SCAF8: variants seen among roughly 807,000 people sequenced by gnomAD.
The protein encoded by SCAF8 is SR-related and CTD-associated factor 8.
A neutral mutation model predicts 140.5 loss-of-function variants in SCAF8; 23 were observed. The ratio of observed to expected loss-of-function variants is 0.16; its 90% CI spans 0.12 to 0.23. The LOEUF (loss-of-function observed/expected upper bound fraction) is 0.23, where lower values mean the gene tolerates loss of function less well. Ranked by LOEUF, SCAF8 falls within the 10% of genes least tolerant of loss-of-function variation. SCAF8 has a pLI of 1.00. For synonymous variants in SCAF8, 575 were observed against 528.9 expected (o/e 1.09, Z -1.20); for missense variants, 1,397 against 1,555.7 (o/e 0.90, Z 1.72).
intron 13 of SCAF8, among the ~76,000 whole-genome samples, chr6:154,816,919 G>T (rs1020371511): frequency 1.3e-5 from 2 of 152,140 alleles, no homozygotes; most frequent in Non-Finnish European, 2.9e-5. Context: ...TAAGTGATTT[G>T]CTTGAGTTAC....
chr6:154,810,743 G>A (rs570828770), intron 12 of SCAF8, among the ~76,000 whole-genome samples: 1 of 151,954 alleles, frequency 6.6e-6, no homozygotes, highest in East Asian at 1.9e-4. Flanking sequence ...TGTGGGGAGG[G>A]TTCACTTGGT....
intron 1 of SCAF8, among the ~76,000 whole-genome samples, chr6:154,760,909 A>G (rs923624737): frequency 2.0e-5 from 3 of 151,934 alleles, no homozygotes; most frequent in Non-Finnish European, 4.4e-5. Flanking sequence ...TCAGCCTCCC[A>G]GGTAGCTGGG....
At chr6:154,824,906 T>G (rs919574082) in intron 17 of SCAF8, 1 of 151,044 alleles carries the variant, frequency 6.6e-6, no homozygotes, top group Non-Finnish European at 1.5e-5. Flanking sequence ...ATCACACCAC[T>G]GTGCTCCAGC....
intron 2 of SCAF8, among the ~76,000 whole-genome samples, chr6:154,776,717 A>G (rs188054667): frequency 1.1e-3 from 169 of 152,312 alleles, no homozygotes; most frequent in Non-Finnish European, 2.0e-3. Context: ...ATTGTAAGTA[A>G]CTTTAGCCAG....
chr6:154,784,990 G>A (rs1777209684), intron 3 of SCAF8, among the ~76,000 whole-genome samples: 1 of 152,068 alleles, frequency 6.6e-6, no homozygotes, highest in Non-Finnish European at 1.5e-5. Flanking sequence ...CCCTACCCAG[G>A]TAACCAGTTT....
chr6:154,812,292 CTTTTTT>C (rs759236847), intron 12 of SCAF8, among the ~76,000 whole-genome samples: 7 of 38,788 alleles, frequency 1.8e-4, no homozygotes, highest in Non-Finnish European at 2.9e-4. Context: ...TCTATGTCAG[CTTTTTT>C]TTTTTTTTTT....
chr6:154,787,496 A>G (rs1777287572), intron 3 of SCAF8, among the ~76,000 whole-genome samples: 2 of 152,250 alleles, frequency 1.3e-5, no homozygotes, highest in Admixed American at 1.3e-4. Flanking sequence ...AGTCTGAGGC[A>G]TGTTGGCAGT....
rs1008413151 is a variant in SCAF8, at chr6:154,805,997, G to T, written c.981+511G>T. 2.6e-5 allele frequency among the ~76,000 whole-genome samples: 4 copies of T among 152,220 alleles called. No homozygotes were observed. The South Asian group carries it at 8.3e-4, about 32-fold the overall frequency. Reference sequence around the variant, plus strand: ...GCTTGTATACATTTAACCCTCAGGCGATGGGCATTATGACTCCCATTTTAT... The same window carrying T: ...GCTTGTATACATTTAACCCTCAGGCTATGGGCATTATGACTCCCATTTTAT... On this transcript the variant is annotated intron_variant, in intron 9 of 19. Coordinates refer to ENST00000367178, the MANE Select transcript of SCAF8 (RefSeq NM_014892.5).
Position 154,752,872 on chromosome 6 carries a change from C to G in SCAF8, c.30+18942C>G, listed in dbSNP as rs182749092. ...GAGTAGCTGGGATTATAGGCACTTGCCACCATGCCCGGCCAGTATTTTAGA... is the reference window on the plus strand; with the variant it reads ...GAGTAGCTGGGATTATAGGCACTTGGCACCATGCCCGGCCAGTATTTTAGA... On this transcript the variant is annotated intron_variant, in intron 1 of 19. Transcript: ENST00000367178. 4.6e-5 allele frequency among the ~76,000 whole-genome samples: 7 copies of G among 152,256 alleles called. No individual in the cohort carries two copies. In the South Asian group the frequency reaches 1.5e-3, roughly 32 times the overall value.
chr6:154,734,566 A>G (rs143159033), intron 1 of SCAF8, among the ~76,000 whole-genome samples: 2 of 152,316 alleles, frequency 1.3e-5, no homozygotes, highest in Non-Finnish European at 2.9e-5. Context: ...ATAAAGACAA[A>G]TGGTAGGGAG....
chr6:154,790,490 T>C (rs1182499527), intron 4 of SCAF8, among the ~76,000 whole-genome samples: 2 of 3,356 alleles, frequency 6.0e-4, no homozygotes, highest in South Asian at 0.034. Context: ...TTTAACAGAA[T>C]TTTTTTTTTT....
intron 1 of SCAF8, among the ~76,000 whole-genome samples, chr6:154,760,244 A>G (rs527751930): frequency 2.0e-5 from 3 of 152,302 alleles, no homozygotes; most frequent in South Asian, 2.1e-4. Flanking sequence ...CAGTGAGCCA[A>G]GATGGTGCCA....
chr6:154,820,049 T>C, intron 14 of SCAF8, 128 bp from the exon 15 acceptor site: 1 of 669,072 alleles, frequency 1.5e-6, no homozygotes. Context: ...TCAGCTTTGC[T>C]TTTCCAGCTG....
chr6:154,735,251 T>A (rs1716521276), intron 1 of SCAF8, among the ~76,000 whole-genome samples: 1 of 152,196 alleles, frequency 6.6e-6, no homozygotes, highest in African/African-American at 2.4e-5. Flanking sequence ...TCTTTAATAT[T>A]TACCTCTTAA....
intron 3 of SCAF8, among the ~76,000 whole-genome samples, chr6:154,784,144 TA>T (rs869228659): frequency 0.056 from 5,173 of 92,482 alleles, 238 homozygotes; most frequent in South Asian, 0.1. Flanking sequence ...TATATATATA[TA>T]TATATATATA....
rs1183149491 is a variant in SCAF8 at position 154,833,819 on chromosome 6, G to T, written c.*424G>T. The T allele has an allele frequency of 6.4e-6, 1 of 155,774 alleles. No homozygotes were observed. Among genetic ancestry groups the T allele is most frequent in the Non-Finnish European group, 1.4e-5 (1 of 70,338 alleles). 9.6% of individuals were successfully genotyped at this position (155,774 alleles called of 1,614,324 possible). A position where few individuals can be genotyped will look rare whatever the true frequency, so the allele number is the denominator to read the frequency against. Reference sequence around the variant, plus strand: ...GAATTTTAAGGTTATAGATAAAGCTGTGATATTTTATGCAAAGACTGGCTC... The same window carrying T: ...GAATTTTAAGGTTATAGATAAAGCTTTGATATTTTATGCAAAGACTGGCTC... On this transcript the variant is annotated 3_prime_UTR_variant, in exon 20 of 20. Transcript: ENST00000367178.
At chr6:154,741,451 G>A (rs181687307) in intron 1 of SCAF8, among the ~76,000 whole-genome samples, 3 of 152,026 alleles carry the variant, frequency 2.0e-5, no homozygotes, top group Admixed American at 6.6e-5. Flanking sequence ...TCTTCGCCCG[G>A]GCTGGAGTGC....
Position 154,832,396 on chromosome 6 carries a change from C to G in SCAF8, c.2817C>G (p.Phe939Leu). The G allele has an allele frequency of 6.2e-7, 1 of 1,614,108 alleles. No individual in the cohort carries two copies. The highest frequency in any genetic ancestry group is 8.5e-7 in the Non-Finnish European group (1 of 1,180,006). The change falls in exon 20 of 20, where the codon TTC becomes TTG. Residue 939 changes from phenylalanine (F) to leucine (L), a missense_variant. Phe to Leu is a conservative substitution (Grantham distance 22). Around this residue, in one of 5 missense-constraint regions of SCAF8, gnomAD observed 930 missense variants for 874.6 expected, o/e 1.06. Coordinates refer to ENST00000367178, the MANE Select transcript of SCAF8 (RefSeq NM_014892.5). The part of the protein sequence containing the change: ...GLIPQAPGPR[F>L]PLIQPGIPPQ... ...TACCACAGGCACCTGGGCCAAGATTCCCTTTAATACAGCCTGGAATTCCAC... is the reference window on the plus strand; with the variant it reads ...TACCACAGGCACCTGGGCCAAGATTGCCTTTAATACAGCCTGGAATTCCAC...
chr6:154,807,437 G>A (rs1238806868), intron 9 of SCAF8, among the ~76,000 whole-genome samples: 1 of 152,228 alleles, frequency 6.6e-6, no homozygotes, highest in Non-Finnish European at 1.5e-5. Context: ...GAGAGATTTA[G>A]AATGCAGATC....
Sources: gnomAD v4.1 joint callset for allele counts (sites outside exome capture counted in the v4.1 genomes callset) on GRCh38, gnomAD v4.1.1 for gene constraint, gnomAD v4.1.1 regional missense constraint, MANE v1.5 for transcripts, NCBI Gene and HGNC (gene_info 2026-07-23, HGNC 2026-07-21) for gene names.